The following DNM3 variants were observed in gnomAD, a reference collection of about 807,000 sequenced individuals.
DNM3 encodes the protein dynamin 3.
In DNM3, 47 loss-of-function variants were observed where a neutral mutation model predicts 101.6. The ratio of observed to expected loss-of-function variants is 0.46; its 90% CI spans 0.37 to 0.59. The LOEUF is 0.59. Ranked by LOEUF, DNM3 falls within the 20% of genes least tolerant of loss-of-function variation. The pLI is 0.00. For missense variants in DNM3, 849 were observed against 1,085.7 expected, an observed-to-expected ratio of 0.78 and a Z score of 3.06; for synonymous variants, 385 against 387.9, an observed-to-expected ratio of 0.99 and a Z score of 0.09.
intron 14 of DNM3, among the ~76,000 whole-genome samples, chr1:172,239,201 T>G (rs1448864615): frequency 2.0e-5 from 3 of 152,314 alleles, no homozygotes; most frequent in African/African-American, 7.2e-5. Flanking sequence ...CCCTCCTGGT[T>G]TGCTATTGTT....
intron 13 of DNM3, among the ~76,000 whole-genome samples, chr1:172,095,864 G>A (rs1208215270): frequency 6.6e-6 from 1 of 152,220 alleles, no homozygotes; most frequent in Non-Finnish European, 1.5e-5. Flanking sequence ...ACAAAAAAAT[G>A]TGAGCACATA....
intron 20 of DNM3, chr1:172,394,402 C>T (rs1160634372): frequency 6.6e-6 from 1 of 152,192 alleles, no homozygotes; most frequent in Non-Finnish European, 1.5e-5. Context: ...CTCTTCCAAA[C>T]ATCCTATGCT....
At chr1:171,982,503 G>T (rs1245743172) in intron 2 of DNM3, among the ~76,000 whole-genome samples, 2 of 152,064 alleles carry the variant, frequency 1.3e-5, no homozygotes, top group African/African-American at 2.4e-5. Context: ...GGTTTCCGTA[G>T]AAAAAAGTAC....
intron 11 of DNM3, among the ~76,000 whole-genome samples, chr1:172,071,839 T>C (rs1399061112): frequency 6.6e-6 from 1 of 152,038 alleles, no homozygotes; most frequent in Non-Finnish European, 1.5e-5. Context: ...ATTCAATAAC[T>C]GTGGATGAAA....
intron 1 of DNM3, among the ~76,000 whole-genome samples, chr1:171,857,958 T>C (rs2125028282): frequency 6.6e-6 from 1 of 152,224 alleles, no homozygotes; most frequent in Admixed American, 6.6e-5. Context: ...GCCATGTGGA[T>C]ACAGAGAGAA....
chr1:172,253,700 T>A lies in DNM3; in HGVS notation c.1769+18T>A. 6.7e-7 allele frequency: 1 copy of A among 1,498,964 alleles called. No individual in the cohort carries two copies. Among genetic ancestry groups the A allele is most frequent in the Non-Finnish European group, 9.0e-7 (1 of 1,112,146 alleles). The allele number at this position is 1,498,964 out of a possible 1,614,324, so 92.9% of individuals were successfully genotyped here. A position where few individuals can be genotyped will look rare whatever the true frequency, so the allele number is the denominator to read the frequency against. On this transcript the variant is annotated intron_variant, in intron 15 of 20. Transcript: ENST00000627582. The stretch of plus-strand genomic sequence containing the variant: ...GAGCAAAGGTAAGAAATTGAAACAG[T>A]TCCTGTCTTCAGATTTTTTTCCTTG...
At position 172,193,854 on chromosome 1, in the gene DNM3, G is replaced by A. The variant is rs576957233; in HGVS notation, c.1660-59719G>A. On this transcript the variant is annotated intron_variant, in intron 14 of 20. Coordinates refer to ENST00000627582, the MANE Select transcript of DNM3 (RefSeq NM_015569.5). ...TTTTTGAAGAATTTTTTGTGTCTCT[G>A]TTTCCTTCAGTTCTGCTCTGATCTT... is the stretch of plus-strand genomic sequence containing the variant. 6.4e-3 allele frequency among the ~76,000 whole-genome samples: 968 copies of A among 151,942 alleles called. 11 individuals carry two copies. The highest frequency in any genetic ancestry group is 6.8e-3 in the Middle Eastern group (2 of 294).
chr1:171,844,681 A>G (rs2031795845), intron 1 of DNM3, among the ~76,000 whole-genome samples: 1 of 152,170 alleles, frequency 6.6e-6, no homozygotes, highest in South Asian at 2.1e-4. Context: ...GTGATATAGC[A>G]TGAGTAACCA....
intron 14 of DNM3, among the ~76,000 whole-genome samples, chr1:172,251,774 T>A (rs1049225844): frequency 6.6e-6 from 1 of 152,076 alleles, no homozygotes; most frequent in African/African-American, 2.4e-5. Flanking sequence ...AAAGGTTGAA[T>A]AGGATGGTAG....
intron 4 of DNM3, among the ~76,000 whole-genome samples, chr1:172,025,121 G>A (rs937453042): frequency 6.6e-6 from 1 of 152,184 alleles, no homozygotes; most frequent in African/African-American, 2.4e-5. Context: ...TTTGGGGAGG[G>A]GCGTCTGCCA....
At chr1:172,094,391 A>C (rs1255664711) in intron 13 of DNM3, among the ~76,000 whole-genome samples, 1 of 152,240 alleles carries the variant, frequency 6.6e-6, no homozygotes, top group African/African-American at 2.4e-5. Context: ...AAGCAGGCTT[A>C]TTCTTCCAAC....
At chr1:172,237,567 A>G (rs1241741959) in intron 14 of DNM3, among the ~76,000 whole-genome samples, 1 of 152,122 alleles carries the variant, frequency 6.6e-6, no homozygotes, top group Admixed American at 6.6e-5. Context: ...TTTCTAAATC[A>G]ATATCTCTAA....
intron 2 of DNM3, among the ~76,000 whole-genome samples, chr1:171,925,327 A>C (rs1486908505): frequency 2.6e-5 from 4 of 151,840 alleles, no homozygotes; most frequent in Admixed American, 2.0e-4. Context: ...TCTTGGGTTC[A>C]TGCCATTCTC....
intron 1 of DNM3, among the ~76,000 whole-genome samples, chr1:171,913,916 G>A (rs1223540640): frequency 6.6e-6 from 1 of 151,880 alleles, no homozygotes; most frequent in East Asian, 1.9e-4. Flanking sequence ...AGGCTCCCGA[G>A]TAGCTGGGAC....
intron 13 of DNM3, among the ~76,000 whole-genome samples, chr1:172,124,565 C>T (rs2056516071): frequency 6.6e-6 from 1 of 152,188 alleles, no homozygotes; most frequent in Non-Finnish European, 1.5e-5. Context: ...ACATTCTCCC[C>T]TCTATCTCAT....
At chr1:172,283,780 A>AAAGAAAG (rs1553221116) in intron 15 of DNM3, among the ~76,000 whole-genome samples, 8 of 119,114 alleles carry the variant, frequency 6.7e-5, no homozygotes, top group African/African-American at 1.0e-4. Context: ...AAAAAAAAAA[A>AAAGAAAG]AAAGAAAGAA....
At chr1:172,106,867 T>TTTTTTG (rs2055073855) in intron 13 of DNM3, among the ~76,000 whole-genome samples, 2 of 120,816 alleles carry the variant, frequency 1.7e-5, no homozygotes, top group Admixed American at 8.0e-5. Flanking sequence ...TTTTTTTTTT[T>TTTTTTG]TTTTGAGACG....
At chr1:171,927,630 A>G (rs2040683436) in intron 2 of DNM3, among the ~76,000 whole-genome samples, 1 of 152,214 alleles carries the variant, frequency 6.6e-6, no homozygotes, top group African/African-American at 2.4e-5. Context: ...CACGAATGAC[A>G]GATTAGATTT....
chr1:172,416,604 A>G (rs1020837727), downstream of DNM3, among the ~76,000 whole-genome samples: 2 of 152,172 alleles, frequency 1.3e-5, no homozygotes, highest in African/African-American at 4.8e-5. Context: ...GTGTTTTGGC[A>G]TATGCTAACA....
Sources: gnomAD v4.1 joint callset for allele counts (sites outside exome capture counted in the v4.1 genomes callset) on GRCh38, gnomAD v4.1.1 for gene constraint, MANE v1.5 for transcripts, NCBI Gene and HGNC (gene_info 2026-07-23, HGNC 2026-07-21) for gene names.